Variants in TMEM240 observed in about 807,000 individuals in gnomAD.
TMEM240 encodes the protein transmembrane protein C1orf70.
A neutral mutation model predicts 19.5 loss-of-function variants in TMEM240; 3 were observed. The observed-to-expected ratio is 0.15, with a 90% CI of 0.07 to 0.40. TMEM240 has a LOEUF of 0.40. Among genes scored for constraint, TMEM240 ranks in the 10% least tolerant of loss-of-function variants. The probability of loss-of-function intolerance (pLI) is 1.00; values close to 1 mark genes in which losing one functional copy is unlikely to be tolerated. For missense variants in TMEM240, 210 were observed against 253.5 expected, an observed-to-expected ratio of 0.83 and a Z score of 1.17; for synonymous variants, 123 against 109.3, an observed-to-expected ratio of 1.13 and a Z score of -0.78.
intron 2 of TMEM240, 56 bp downstream of exon 2, chr1:1,539,628 G>T: frequency 6.8e-7 from 1 of 1,473,658 alleles, no homozygotes; most frequent in Non-Finnish European, 9.3e-7. Flanking sequence ...CCCCGAGTGG[G>T]CCCCGCCACA....
At position 1,535,277 on chromosome 1, in the gene TMEM240, C is replaced by T; in HGVS notation, c.*82G>A. On this transcript the variant is annotated 3_prime_UTR_variant, in exon 4 of 4. Transcript: ENST00000378733. The surrounding 1 kb of genome is among the most constrained non-coding windows in gnomAD (Gnocchi z 8.2). ...GGCCCAGGGCTGCTGTCCAGTCCCG[C>T]CGGCCCGGGCGTCCACGAGGTCCCT... is the stretch of plus-strand genomic sequence containing the variant. 6.7e-7 allele frequency: 1 copy of T among 1,487,286 alleles called. No individual in the cohort carries two copies. Among genetic ancestry groups the T allele is most frequent in the Non-Finnish European group, 9.0e-7 (1 of 1,108,318 alleles). 92.1% of individuals were successfully genotyped at this position (1,487,286 alleles called of 1,614,324 possible).
In TMEM240 at chr1:1,535,380, G is replaced by T; in HGVS notation, c.501C>A (p.His167Gln). ...HVKQKLYHNG[H>Q]PSPRHL The stretch of plus-strand genomic sequence containing the variant: ...CGGCTCACAGGTGCCGCGGGCTGGG[G>T]TGGCCATTGTGGTAGAGTTTCTGCT... Residue 167 changes from histidine (H) to glutamine (Q), a missense_variant, in exon 4 of 4, where the codon CAC (histidine) becomes CAA (glutamine). Physicochemically the swap from His to Gln is conservative, Grantham distance 24. This residue lies in a region of TMEM240 where 157 missense variants were observed against 168.2 expected (regional missense o/e 0.93). Coordinates refer to ENST00000378733, the MANE Select transcript of TMEM240 (RefSeq NM_001114748.2). This position sits in a 1 kb window ranked among gnomAD's most constrained non-coding sequence, Gnocchi z 8.2. The T allele has an allele frequency of 5.2e-6, 8 of 1,549,764 alleles. No homozygotes were observed. Among genetic ancestry groups the T allele is most frequent in the Non-Finnish European group, 7.0e-6 (8 of 1,146,462 alleles).
chr1:1,535,617 C>T lies in TMEM240; in HGVS notation c.345G>A (p.Val115=), dbSNP rs1242430728. The T allele has an allele frequency of 1.4e-5, 22 of 1,549,600 alleles. No homozygotes were observed. In the Admixed American group the frequency reaches 3.9e-4, roughly 28 times the overall value. ...VWMDGVLHCA[V]RAWRAGRRYD... is the part of the protein sequence containing the mutation. ...AGCGCCGTCCGGCTCTCCAGGCGCG[C>T]ACGGCGCAGTGCAGGACGCCGTCCA... The change falls in exon 3 of 4, where the codon GTG becomes GTA. Residue 115 remains valine, a synonymous_variant. Transcript: ENST00000378733. The surrounding 1 kb of genome is among the most constrained non-coding windows in gnomAD (Gnocchi z 8.2).
In TMEM240 at chr1:1,535,503, G is replaced by A. The variant is rs1400788488; in HGVS notation, c.378C>T (p.Gly126=). 2 of 1,546,364 alleles carry A rather than the reference G, an allele frequency of 1.3e-6. No homozygotes were observed. Among genetic ancestry groups the A allele is most frequent in the East Asian group, 2.5e-5 (1 of 40,726 alleles). The change falls in exon 4 of 4, where the codon GGC becomes GGT. Residue 126 remains glycine, a synonymous_variant. Coordinates refer to ENST00000378733, the MANE Select transcript of TMEM240 (RefSeq NM_001114748.2). The surrounding 1 kb of genome is among the most constrained non-coding windows in gnomAD (Gnocchi z 8.2). The stretch of plus-strand genomic sequence containing the variant: ...ACAGCTTGGGCAGCCAGGTCCACGA[G>A]CCATCTGCGGGGGGACAGGGGCGGT... The part of the protein sequence containing the change: ...RAWRAGRRYD[G]SWTWLPKLCS...
Position 1,534,842 on chromosome 1 carries a change from G to A in TMEM240, c.*517C>T, listed in dbSNP as rs1036015592. ...GCTTCACATGAGTGCCCGCCACTGCGGGGCCAGGGGCCTGAATGCTGCCTG... is the reference window on the plus strand; with the variant it reads ...GCTTCACATGAGTGCCCGCCACTGCAGGGCCAGGGGCCTGAATGCTGCCTG... On this transcript the variant is annotated 3_prime_UTR_variant, in exon 4 of 4. Coordinates refer to ENST00000378733, the MANE Select transcript of TMEM240 (RefSeq NM_001114748.2). Among the ~76,000 whole-genome samples, 3 of 152,090 alleles carry A rather than the reference G, an allele frequency of 2.0e-5. No homozygotes were observed. Among genetic ancestry groups the A allele is most frequent in the Admixed American group, 6.5e-5 (1 of 15,288 alleles).
Position 1,534,910 on chromosome 1 carries a change from G to C in TMEM240, c.*449C>G, listed in dbSNP as rs1642177404. Among the ~76,000 whole-genome samples, 3 of 136,006 alleles carry C rather than the reference G, an allele frequency of 2.2e-5. No individual in the cohort carries two copies. The South Asian group carries it at 6.6e-4, about 30-fold the overall frequency. 89.2% of individuals were successfully genotyped at this position (136,006 alleles called of 152,430 possible). A position where few individuals can be genotyped will look rare whatever the true frequency, so the allele number is the denominator to read the frequency against. On this transcript the variant is annotated 3_prime_UTR_variant, in exon 4 of 4. Coordinates refer to ENST00000378733, the MANE Select transcript of TMEM240 (RefSeq NM_001114748.2). ...CCCACCCTGTGGCTGTGCACACGCG[G>C]GTGCTCCCCTCGCCCCCCTCCCCTC...
At chr1:1,539,512 C>A (rs1299922174) in intron 2 of TMEM240, 172 bp downstream of exon 2, 2 of 620,586 alleles carry the variant, frequency 3.2e-6, no homozygotes, top group Non-Finnish European at 2.8e-6. Flanking sequence ...GCCATGCGCC[C>A]CCAGGAGACC....
intron 2 of TMEM240, among the ~76,000 whole-genome samples, chr1:1,538,344 C>T (rs966184917): frequency 3.9e-5 from 6 of 152,236 alleles, no homozygotes; most frequent in South Asian, 2.1e-4. Flanking sequence ...TGCACCCACC[C>T]GAGTCCACGC....
chr1:1,534,884 C>T lies in TMEM240; in HGVS notation c.*475G>A, dbSNP rs1014681551. 2.0e-5 allele frequency among the ~76,000 whole-genome samples: 3 copies of T among 152,078 alleles called. No individual in the cohort carries two copies. Among genetic ancestry groups the T allele is most frequent in the Non-Finnish European group, 4.4e-5 (3 of 67,980 alleles). ...TGCTGCCTGGGCCCAGCCACCTGCACCCCACCCTGTGGCTGTGCACACGCG... is the reference window on the plus strand; with the variant it reads ...TGCTGCCTGGGCCCAGCCACCTGCATCCCACCCTGTGGCTGTGCACACGCG... On this transcript the variant is annotated 3_prime_UTR_variant, in exon 4 of 4. Coordinates refer to ENST00000378733, the MANE Select transcript of TMEM240 (RefSeq NM_001114748.2).
chr1:1,540,208 G>A, intron 1 of TMEM240, 82 bp downstream of exon 1: 1 of 980,046 alleles, frequency 1.0e-6, no homozygotes. Context: ...CCGCACGGGC[G>A]GTAAACAAGG....
chr1:1,536,605 C>T lies in TMEM240; in HGVS notation c.165-808G>A, dbSNP rs755279362. On this transcript the variant is annotated intron_variant, in intron 2 of 3. Coordinates refer to ENST00000378733, the MANE Select transcript of TMEM240 (RefSeq NM_001114748.2). This position sits in a 1 kb window ranked among gnomAD's most constrained non-coding sequence, Gnocchi z 5.4. ...AGGCTCAGGCCACAACAGCCTCTGG[C>T]CTCTTGCTGCTGGGGCAACACAAGC... Among the ~76,000 whole-genome samples the T allele has an allele frequency of 2.0e-5, 3 of 152,196 alleles. No individual in the cohort carries two copies. The highest frequency in any genetic ancestry group is 4.4e-5 in the Non-Finnish European group (3 of 68,028).
Position 1,536,473 on chromosome 1 carries a change from C to T in TMEM240, c.165-676G>A, listed in dbSNP as rs977670606. On this transcript the variant is annotated intron_variant, in intron 2 of 3. Coordinates refer to ENST00000378733, the MANE Select transcript of TMEM240 (RefSeq NM_001114748.2). The surrounding 1 kb of genome is among the most constrained non-coding windows in gnomAD (Gnocchi z 5.4). ...TTGCCTGGCACAGACCCGCCCCGCT[C>T]CTCTCAGGATGGACGGCGTCCAGGC... 2.6e-5 allele frequency among the ~76,000 whole-genome samples: 4 copies of T among 152,214 alleles called. No individual in the cohort carries two copies. Among genetic ancestry groups the T allele is most frequent in the African/African-American group, 9.7e-5 (4 of 41,450 alleles).
chr1:1,537,364 GC>G (rs1642238020), intron 2 of TMEM240, among the ~76,000 whole-genome samples: 2 of 152,150 alleles, frequency 1.3e-5, no homozygotes, highest in Non-Finnish European at 2.9e-5. Flanking sequence ...CCAATGGGCA[GC>G]TGCTGACCAC....
At chr1:1,538,272 A>T (rs1642252072) in intron 2 of TMEM240, among the ~76,000 whole-genome samples, 1 of 152,216 alleles carries the variant, frequency 6.6e-6, no homozygotes, top group African/African-American at 2.4e-5. Flanking sequence ...ATGGACACAC[A>T]CGCAGCAATA....
In TMEM240 at chr1:1,535,769, C is replaced by G; in HGVS notation, c.193G>C (p.Asp65His). ...GCGTCCACCACCGACTGGTCCCCGT[C>G]GTACGGGATCACGTAGTGGATATGG... ...RHHIHYVIPY[D>H]GDQSVVDASE... Residue 65 changes from aspartate (D) to histidine (H), a missense_variant, in exon 3 of 4, where the codon GAC (aspartate) becomes CAC (histidine). Coordinates refer to ENST00000378733, the MANE Select transcript of TMEM240 (RefSeq NM_001114748.2). The surrounding 1 kb of genome is among the most constrained non-coding windows in gnomAD (Gnocchi z 8.2). The G allele has an allele frequency of 6.5e-7, 1 of 1,550,128 alleles. No homozygotes were observed. Among genetic ancestry groups the G allele is most frequent in the Non-Finnish European group, 8.7e-7 (1 of 1,146,608 alleles).
Position 1,535,895 on chromosome 1 carries a change from C to A in TMEM240, c.165-98G>T, listed in dbSNP as rs958216485. Reference sequence around the variant, plus strand: ...GTGGTGGGGGTGTGACCGCGTCAGGCCGCCCTGGGGGTTCTCTGAAGCAGC... The same window carrying A: ...GTGGTGGGGGTGTGACCGCGTCAGGACGCCCTGGGGGTTCTCTGAAGCAGC... On this transcript the variant is annotated intron_variant, in intron 2 of 3. Coordinates refer to ENST00000378733, the MANE Select transcript of TMEM240 (RefSeq NM_001114748.2). This position sits in a 1 kb window ranked among gnomAD's most constrained non-coding sequence, Gnocchi z 8.2. 7 of 940,276 alleles carry A rather than the reference C, an allele frequency of 7.4e-6. No individual in the cohort carries two copies. Among genetic ancestry groups the A allele is most frequent in the Admixed American group, 2.1e-5 (1 of 48,424 alleles). 58.2% of individuals were successfully genotyped at this position (940,276 alleles called of 1,614,324 possible).
intron 2 of TMEM240, among the ~76,000 whole-genome samples, chr1:1,537,210 G>A (rs1188069640): frequency 3.9e-5 from 6 of 152,152 alleles, no homozygotes; most frequent in East Asian, 3.9e-4. Context: ...TGGGGTTCCC[G>A]GAGGTCAGTC....
Position 1,536,842 on chromosome 1 carries a change from T to C in TMEM240, c.165-1045A>G, listed in dbSNP as rs1015694179. 1.3e-5 allele frequency among the ~76,000 whole-genome samples: 2 copies of C among 151,930 alleles called. No individual in the cohort carries two copies. Among genetic ancestry groups the C allele is most frequent in the Middle Eastern group, 3.2e-3 (1 of 316 alleles). ...CCGCCGAGCTCCAGCTGCCTGTGTC[T>C]CCACGTGGGATCCGCAGACACCTTA... On this transcript the variant is annotated intron_variant, in intron 2 of 3. Transcript: ENST00000378733. The surrounding 1 kb of genome is among the most constrained non-coding windows in gnomAD (Gnocchi z 5.4).
chr1:1,538,141 G>A (rs1441442148), intron 2 of TMEM240, among the ~76,000 whole-genome samples: 1 of 152,212 alleles, frequency 6.6e-6, no homozygotes, highest in Admixed American at 6.5e-5. Flanking sequence ...TGAGCACACG[G>A]CACTGTATAT....
Sources: allele counts gnomAD v4.1 joint callset (sites outside exome capture counted in the v4.1 genomes callset), GRCh38; gene constraint gnomAD v4.1.1; regional missense constraint gnomAD v4.1.1; non-coding constraint Gnocchi (gnomAD v3.1); transcripts MANE v1.5; gene names NCBI Gene and HGNC (gene_info 2026-07-23, HGNC 2026-07-21).